CACNA1A: variants seen among roughly 807,000 people sequenced by gnomAD.
CACNA1A encodes voltage-dependent P/Q-type calcium channel subunit alpha-1A.
CACNA1A carries 57 observed loss-of-function variants against 262.4 expected under a neutral mutation model. The observed-to-expected ratio is 0.22, with a 90% confidence interval of 0.18 to 0.27. The LOEUF (loss-of-function observed/expected upper bound fraction) is 0.27. Ranked by LOEUF, CACNA1A falls within the 10% of genes least tolerant of loss-of-function variation. The pLI is 1.00. For synonymous variants in CACNA1A, 1,431 were observed against 1,419.3 expected, an observed-to-expected ratio of 1.01 and a Z score of -0.18; for missense variants, 2,526 against 3,562.8, an observed-to-expected ratio of 0.71 and a Z score of 7.41.
intron 10 of CACNA1A, among the ~76,000 whole-genome samples, chr19:13,323,475 A>T (rs1390678534): frequency 6.6e-6 from 1 of 151,830 alleles, no homozygotes; most frequent in East Asian, 1.9e-4. Flanking sequence ...TTTTATTTTG[A>T]GACAGGGTCT....
chr19:13,458,359 G>T (rs2061053661), intron 1 of CACNA1A, among the ~76,000 whole-genome samples: 1 of 151,794 alleles, frequency 6.6e-6, no homozygotes, highest in Non-Finnish European at 1.5e-5. Flanking sequence ...GTCTTACTTT[G>T]TTGCCCAGGG....
At chr19:13,393,873 T>C (rs2059764990) in intron 3 of CACNA1A, among the ~76,000 whole-genome samples, 1 of 145,832 alleles carries the variant, frequency 6.9e-6, no homozygotes, top group African/African-American at 2.5e-5. Context: ...TGGGGAGCGA[T>C]AGCATGATCT....
At chr19:13,452,766 G>A in intron 3 of CACNA1A, 110 bp downstream of exon 3, 1 of 966,050 alleles carries the variant, frequency 1.0e-6, no homozygotes, top group Non-Finnish European at 1.6e-6. Context: ...AACAAGGGGA[G>A]GGAGAACACA....
chr19:13,336,135 C>A (rs1600363360), intron 6 of CACNA1A, among the ~76,000 whole-genome samples: 2 of 152,168 alleles, frequency 1.3e-5, no homozygotes, highest in South Asian at 4.1e-4. Context: ...CCTCACATAA[C>A]ATAATTGACC....
chr19:13,452,837 AGCTAGT>A, intron 3 of CACNA1A, 33 bp downstream of exon 3: 1 of 1,587,210 alleles, frequency 6.3e-7, no homozygotes, highest in Non-Finnish European at 8.6e-7. Flanking sequence ...GTAATCCTTC[AGCTAGT>A]TAAATCCAAA....
chr19:13,209,097 G>A, intron 45 of CACNA1A, 88 bp from the exon 46 acceptor site: 2 of 1,513,408 alleles, frequency 1.3e-6, no homozygotes, highest in Non-Finnish European at 1.8e-6. Flanking sequence ...CCTGGAAGGT[G>A]TGGGGGCCCT....
At position 13,212,190 on chromosome 19, in the gene CACNA1A, T is replaced by C; in HGVS notation, c.6216A>G (p.Arg2072=). 6.2e-7 allele frequency: 1 copy of C among 1,613,912 alleles called. No individual in the cohort carries two copies. Among genetic ancestry groups the C allele is most frequent in the Non-Finnish European group, 8.5e-7 (1 of 1,179,816 alleles). Residue 2072 remains arginine, a synonymous_variant, in exon 43 of 47, where the codon AGA becomes AGG. Transcript: ENST00000360228. This position sits in a 1 kb window ranked among gnomAD's most constrained non-coding sequence, Gnocchi z 5.6. Reference sequence around the variant, plus strand: ...AGTGCTCGCTGTCGGAGTAGCCATCTCTGCCCATCTCTCGCATCTCCACGG... The same window carrying C: ...AGTGCTCGCTGTCGGAGTAGCCATCCCTGCCCATCTCTCGCATCTCCACGG... The part of the protein sequence containing the change: ...SQSVEMREMG[R]DGYSDSEHYL...
intron 38 of CACNA1A, among the ~76,000 whole-genome samples, chr19:13,224,428 A>G (rs1033544957): frequency 4.7e-5 from 7 of 148,910 alleles, no homozygotes; most frequent in African/African-American, 1.2e-4. Context: ...TCAAGGCTGC[A>G]GTGACTTGCG....
At chr19:13,248,613 C>A (rs554464846) in intron 30 of CACNA1A, among the ~76,000 whole-genome samples, 1 of 151,946 alleles carries the variant, frequency 6.6e-6, no homozygotes, top group East Asian at 1.9e-4. Flanking sequence ...GAGGCCGAGG[C>A]AGGCGGATCA....
chr19:13,341,488 C>T (rs977884025), intron 6 of CACNA1A, among the ~76,000 whole-genome samples: 2 of 152,102 alleles, frequency 1.3e-5, no homozygotes, highest in Non-Finnish European at 2.9e-5. Context: ...GGCCTCCAAC[C>T]CTCCCATCTC....
At chr19:13,208,431 C>G (rs996897976) in intron 46 of CACNA1A, among the ~76,000 whole-genome samples, 5 of 151,572 alleles carry the variant, frequency 3.3e-5, no homozygotes, top group African/African-American at 1.2e-4. Flanking sequence ...AAAACAGAAG[C>G]CGGGTTAAAG....
intron 24 of CACNA1A, chr19:13,263,135 T>A: frequency 3.1e-6 from 1 of 327,498 alleles, no homozygotes; most frequent in Admixed American, 4.3e-5. Flanking sequence ...CACAAGGGGG[T>A]TGGCTGATTC....
rs182886039 is a variant in CACNA1A, at chr19:13,470,084, A to G, written c.294-14872T>C. On this transcript the variant is annotated intron_variant, in intron 1 of 46. Coordinates refer to ENST00000360228, the MANE Select transcript of CACNA1A (RefSeq NM_001127222.2). The stretch of plus-strand genomic sequence containing the variant: ...GGGCATTTGAGAATCCCAGCATCCT[A>G]TATCAGAGAAGACACCCGTGCATAT... 1.7e-3 allele frequency among the ~76,000 whole-genome samples: 259 copies of G among 152,226 alleles called. 1 individual carries two copies. Among genetic ancestry groups the G allele is most frequent in the African/African-American group, 5.6e-3 (234 of 41,534 alleles).
At chr19:13,245,118 CG>C in intron 31 of CACNA1A, 63 bp downstream of exon 31, 1 of 1,304,270 alleles carries the variant, frequency 7.7e-7, no homozygotes, top group South Asian at 1.2e-5. Flanking sequence ...ACCGCTCCCC[CG>C]CCCCCTGCCG....
At chr19:13,416,462 C>T (rs1232577424) in intron 3 of CACNA1A, among the ~76,000 whole-genome samples, 1 of 152,036 alleles carries the variant, frequency 6.6e-6, no homozygotes, top group African/African-American at 2.4e-5. Context: ...CGGTGGATCA[C>T]CTGAGATCAG....
Position 13,298,661 on chromosome 19 carries a change from C to G in CACNA1A, c.2972G>C (p.Gly991Ala). 6.7e-7 allele frequency: 1 copy of G among 1,498,220 alleles called. No individual in the cohort carries two copies. The highest frequency in any genetic ancestry group is 8.9e-7 in the Non-Finnish European group (1 of 1,124,546). The allele number at this position is 1,498,220 out of a possible 1,614,324, so 92.8% of individuals were successfully genotyped here. A position where few individuals can be genotyped will look rare whatever the true frequency, so the allele number is the denominator to read the frequency against. The stretch of plus-strand genomic sequence containing the variant: ...GCCCCCGTCGGGGCCCTCGCCCTCG[C>G]CCTCGCCGCCCCGGGCCGGCCGGCT... Reference protein sequence around the residue: ...EGSRPARGGEGEGEGPDGGER... With the variant: ...EGSRPARGGEAEGEGPDGGER... Residue 991 changes from glycine to alanine, a missense_variant, in exon 19 of 47, where the codon GGC becomes GCC. Gly to Ala is a moderately conservative substitution (Grantham distance 60). This residue lies in a region of CACNA1A where 765 missense variants were observed against 748.6 expected (regional missense o/e 1.02). Coordinates refer to ENST00000360228, the MANE Select transcript of CACNA1A (RefSeq NM_001127222.2).
intron 1 of CACNA1A, among the ~76,000 whole-genome samples, chr19:13,497,499 AAAAAAAAAAAAAAAAAAAAAAAATATAT>A (rs1981683774): frequency 3.2e-5 from 1 of 30,930 alleles, no homozygotes; most frequent in African/African-American, 1.3e-4. Flanking sequence ...AAAAAAAAAA[AAAAAAAAAAAAAAAAAAAAAAAATATAT>A]ATATATATAT....
chr19:13,439,422 C>A (rs1273193418), intron 3 of CACNA1A, among the ~76,000 whole-genome samples: 2 of 116,070 alleles, frequency 1.7e-5, no homozygotes, highest in African/African-American at 6.8e-5. Context: ...TTTTTTTTGA[C>A]GGAGTCTCGT....
At position 13,487,334 on chromosome 19, in the gene CACNA1A, G is replaced by A. The variant is rs569211056; in HGVS notation, c.293+18598C>T. 5.3e-4 allele frequency among the ~76,000 whole-genome samples: 80 copies of A among 152,266 alleles called. 1 individual carries two copies. The South Asian group carries it at 0.016, about 30-fold the overall frequency. ...AACAGGTGGGGGCAGCCCCCAGTGG[G>A]GAGAGGAAGACCCAGAAATGCAGGG... On this transcript the variant is annotated intron_variant, in intron 1 of 46. Coordinates refer to ENST00000360228, the MANE Select transcript of CACNA1A (RefSeq NM_001127222.2).
Sources: gnomAD v4.1 joint callset for allele counts (sites outside exome capture counted in the v4.1 genomes callset) on GRCh38, gnomAD v4.1.1 for gene constraint, gnomAD v4.1.1 regional missense constraint, Gnocchi (gnomAD v3.1) non-coding constraint, MANE v1.5 for transcripts, NCBI Gene and HGNC (gene_info 2026-07-23, HGNC 2026-07-21) for gene names.